STXBP4: variants seen among roughly 807,000 people sequenced by gnomAD.
The protein encoded by STXBP4 is syntaxin binding protein 4.
In STXBP4, 55 loss-of-function variants were observed where a neutral mutation model predicts 76.1. The ratio of observed to expected loss-of-function variants is 0.72; its 90% CI spans 0.58 to 0.91. The LOEUF (loss-of-function observed/expected upper bound fraction) is 0.91, where lower values mean the gene tolerates loss of function less well. Among genes scored for constraint, STXBP4 ranks in the 40% least tolerant of loss-of-function variants. The pLI is 0.00. For missense variants in STXBP4, 618 were observed against 636.9 expected (o/e 0.97, Z 0.32); for synonymous variants, 201 against 220.2 (o/e 0.91, Z 0.77).
intron 4 of STXBP4, among the ~76,000 whole-genome samples, chr17:54,998,888 T>C (rs1045207118): frequency 2.0e-5 from 3 of 152,078 alleles, no homozygotes; most frequent in Admixed American, 6.5e-5. Flanking sequence ...AAAATCTCAA[T>C]GTGGGATAAA....
the STXBP4 span, among the ~76,000 whole-genome samples, chr17:55,202,027 G>T: frequency 1.8e-4 from 28 of 152,138 alleles, no homozygotes; most frequent in African/African-American, 6.5e-4. Context: ...TTATTCTTTA[G>T]TATCATTTAT....
intron 8 of STXBP4, among the ~76,000 whole-genome samples, chr17:55,019,251 T>A (rs1165120896): frequency 2.0e-5 from 3 of 152,198 alleles, no homozygotes; most frequent in Non-Finnish European, 4.4e-5. Flanking sequence ...TTTGGTTTGA[T>A]TATGTTTGAT....
At chr17:54,980,367 C>G (rs145266158) in intron 1 of STXBP4, among the ~76,000 whole-genome samples, 1 of 152,124 alleles carries the variant, frequency 6.6e-6, no homozygotes, top group Admixed American at 6.5e-5. Flanking sequence ...GTTACCAGTG[C>G]AGGGTCTTGA....
At chr17:54,978,535 T>G (rs978579830) in intron 1 of STXBP4, among the ~76,000 whole-genome samples, 7 of 152,196 alleles carry the variant, frequency 4.6e-5, no homozygotes, top group Non-Finnish European at 5.9e-5. Flanking sequence ...TTTTCTCTTT[T>G]AAATTGCAAC....
the STXBP4 span, among the ~76,000 whole-genome samples, chr17:55,184,975 C>G: frequency 6.6e-6 from 1 of 152,090 alleles, no homozygotes; most frequent in Non-Finnish European, 1.5e-5. Context: ...GGGCCCGAGC[C>G]ATCCTGCCAC....
intron 16 of STXBP4, among the ~76,000 whole-genome samples, chr17:55,132,959 A>G (rs2079989030): frequency 6.6e-6 from 1 of 152,194 alleles, no homozygotes; most frequent in Non-Finnish European, 1.5e-5. Flanking sequence ...GTATGAGACC[A>G]ATGCAGCTGC....
At chr17:55,179,663 T>TGATGAA in the STXBP4 span, among the ~76,000 whole-genome samples, 3 of 152,288 alleles carry the variant, frequency 2.0e-5, no homozygotes, top group East Asian at 5.8e-4. Context: ...AATATGAAGA[T>TGATGAA]GATGAAGATG....
chr17:55,072,875 A>G (rs1259722845), intron 12 of STXBP4, 25 bp from the exon 13 acceptor site: 5 of 1,568,138 alleles, frequency 3.2e-6, no homozygotes, highest in Non-Finnish European at 4.3e-6. Context: ...TATTTTTTAA[A>G]TGACATTAAT....
At chr17:55,035,488 T>C (rs1002314642) in intron 10 of STXBP4, among the ~76,000 whole-genome samples, 1 of 151,884 alleles carries the variant, frequency 6.6e-6, no homozygotes, top group African/African-American at 2.4e-5. Flanking sequence ...TAACACATAA[T>C]TGTATGCTTG....
intron 16 of STXBP4, among the ~76,000 whole-genome samples, chr17:55,112,737 A>G (rs1256637934): frequency 6.6e-6 from 1 of 152,132 alleles, no homozygotes; most frequent in Non-Finnish European, 1.5e-5. Flanking sequence ...AAACCCTAAT[A>G]TTGTAGAGAA....
the STXBP4 span, among the ~76,000 whole-genome samples, chr17:55,181,130 G>T: frequency 5.9e-5 from 9 of 152,090 alleles, no homozygotes; most frequent in Admixed American, 1.3e-4. Context: ...TTTCTTCTCA[G>T]CTCCTTCATC....
In STXBP4 at chr17:54,990,923, T is replaced by G; in HGVS notation, c.146T>G (p.Ile49Ser). The change falls in exon 4 of 18, where the codon ATT (isoleucine) becomes AGT (serine). Residue 49 changes from isoleucine (I) to serine (S), a missense_variant. Ile to Ser is a moderately radical substitution (Grantham distance 142, BLOSUM62 -2). Coordinates refer to ENST00000376352, the MANE Select transcript of STXBP4 (RefSeq NM_178509.6). The stretch of plus-strand genomic sequence containing the variant: ...CGGAATGAAGGCCCATTGGTATATA[T>G]TCAGGAAATTATTCCTGGAGGAGAC... ...INRNEGPLVY[I>S]QEIIPGGDCY... 1.9e-6 allele frequency: 3 copies of G among 1,599,168 alleles called. No individual in the cohort carries two copies. The highest frequency in any genetic ancestry group is 2.6e-6 in the Non-Finnish European group (3 of 1,175,286).
At chr17:55,005,098 G>C (rs1037331975) in intron 7 of STXBP4, among the ~76,000 whole-genome samples, 1 of 152,170 alleles carries the variant, frequency 6.6e-6, no homozygotes, top group East Asian at 1.9e-4. Flanking sequence ...GAAGGTTAGT[G>C]TAATTTTACA....
At chr17:55,024,255 C>T (rs2078372073) in intron 8 of STXBP4, among the ~76,000 whole-genome samples, 1 of 152,210 alleles carries the variant, frequency 6.6e-6, no homozygotes, top group South Asian at 2.1e-4. Flanking sequence ...TTTAACCTCA[C>T]AATTCTACTT....
At chr17:55,149,023 C>T (rs1212739376) in intron 17 of STXBP4, among the ~76,000 whole-genome samples, 2 of 152,048 alleles carry the variant, frequency 1.3e-5, no homozygotes, top group Non-Finnish European at 2.9e-5. Flanking sequence ...TGTGTAGGCT[C>T]CTCACTCTCT....
chr17:55,120,949 T>G (rs954506460), intron 16 of STXBP4, among the ~76,000 whole-genome samples: 8 of 152,160 alleles, frequency 5.3e-5, no homozygotes, highest in African/African-American at 9.7e-5. Context: ...CAACACATGA[T>G]GGAATTTTTT....
rs540717943 is a variant in STXBP4, at chr17:55,173,511, A to G, written c.*13600A>G. ...TTGTGTGTATCAGTAGTTTGTTTTT[A>G]TTACTGGGTTATAGTTCATTGTATG... On this transcript the variant is annotated 3_prime_UTR_variant, in exon 18 of 18. Transcript: ENST00000376352. 11 of 152,270 alleles carry G rather than the reference A, an allele frequency of 7.2e-5. No individual in the cohort carries two copies. Among genetic ancestry groups the G allele is most frequent in the African/African-American group, 2.6e-4 (11 of 41,564 alleles). 9.4% of individuals were successfully genotyped at this position (152,270 alleles called of 1,614,324 possible).
At chr17:55,145,104 G>A (rs2080137705) in intron 17 of STXBP4, among the ~76,000 whole-genome samples, 1 of 152,190 alleles carries the variant, frequency 6.6e-6, no homozygotes, top group Non-Finnish European at 1.5e-5. Flanking sequence ...AGGTGATGTT[G>A]TCAGATAAGT....
chr17:55,107,619 G>A (rs1248010652), intron 16 of STXBP4, among the ~76,000 whole-genome samples: 5 of 152,266 alleles, frequency 3.3e-5, no homozygotes, highest in Admixed American at 3.3e-4. Context: ...TATCCTTTTT[G>A]TTGGTGTTGA....
Sources: gnomAD v4.1 joint callset for allele counts (sites outside exome capture counted in the v4.1 genomes callset) on GRCh38, gnomAD v4.1.1 for gene constraint, MANE v1.5 for transcripts, NCBI Gene and HGNC (gene_info 2026-07-23, HGNC 2026-07-21) for gene names.